The following MACROD2 variants were observed in gnomAD, a reference collection of about 807,000 sequenced individuals.
The protein encoded by MACROD2 is mono-ADP ribosylhydrolase 2.
Under a neutral mutation model 70.4 loss-of-function variants are expected in MACROD2, and 36 were observed. The observed-to-expected ratio is 0.51, with a 90% CI of 0.39 to 0.68. The LOEUF is 0.68. Ranked by LOEUF, MACROD2 falls within the 30% of genes least tolerant of loss-of-function variation. MACROD2 has a pLI of 0.00. For missense variants in MACROD2, 496 were observed against 538.4 expected (o/e 0.92, Z 0.78); for synonymous variants, 172 against 178.8 (o/e 0.96, Z 0.30).
chr20:15,157,508 A>G (rs1254064777), intron 5 of MACROD2, among the ~76,000 whole-genome samples: 1 of 152,142 alleles, frequency 6.6e-6, no homozygotes, highest in East Asian at 1.9e-4. Context: ...TTAACATTGC[A>G]TGGTCCTTTC....
intron 5 of MACROD2, among the ~76,000 whole-genome samples, chr20:14,987,007 T>C (rs1195186202): frequency 6.6e-6 from 1 of 152,080 alleles, no homozygotes; most frequent in African/African-American, 2.4e-5. Flanking sequence ...AAATGAGGAG[T>C]GGCATCCTTA....
chr20:14,271,367 G>T (rs1036590459), intron 3 of MACROD2, among the ~76,000 whole-genome samples: 1 of 152,230 alleles, frequency 6.6e-6, no homozygotes, highest in African/African-American at 2.4e-5. Context: ...CACCGCTGCT[G>T]ATACCCAGAC....
chr20:14,193,006 C>G (rs1007785672), intron 3 of MACROD2, among the ~76,000 whole-genome samples: 1 of 152,210 alleles, frequency 6.6e-6, no homozygotes, highest in African/African-American at 2.4e-5. Flanking sequence ...ATTCTCTCTG[C>G]TTTGCCTTTG....
At chr20:15,876,900 G>A (rs976419565) in intron 9 of MACROD2, among the ~76,000 whole-genome samples, 56 of 152,000 alleles carry the variant, frequency 3.7e-4, no homozygotes, top group African/African-American at 1.3e-3. Context: ...CTGTTGGTCA[G>A]CCACATGTCT....
chr20:15,682,583 G>C (rs2050174427), intron 8 of MACROD2, among the ~76,000 whole-genome samples: 1 of 152,202 alleles, frequency 6.6e-6, no homozygotes, highest in Non-Finnish European at 1.5e-5. Flanking sequence ...TTCAAGTTTA[G>C]TATTTCAAAC....
intron 8 of MACROD2, among the ~76,000 whole-genome samples, chr20:15,821,369 T>TTTTTTTTTTTTTTTGAGACGG (rs1568579947): frequency 6.6e-6 from 1 of 151,886 alleles, no homozygotes; most frequent in African/African-American, 2.4e-5. Context: ...TATTTCTATT[T>TTTTTTTTTTTTTTTGAGACGG]AATATTTATT....
intron 4 of MACROD2, among the ~76,000 whole-genome samples, chr20:14,632,337 T>C (rs1984558791): frequency 6.6e-6 from 1 of 152,200 alleles, no homozygotes; most frequent in African/African-American, 2.4e-5. Flanking sequence ...GAACTTACAA[T>C]ATGAAAACCT....
intron 15 of MACROD2, among the ~76,000 whole-genome samples, chr20:16,012,592 C>T (rs539682795): frequency 6.0e-4 from 92 of 152,290 alleles, no homozygotes; most frequent in African/African-American, 2.1e-3. Context: ...TAATCTGTTG[C>T]TTAGGAAATG....
At chr20:15,101,351 T>C (rs1342859402) in intron 5 of MACROD2, among the ~76,000 whole-genome samples, 1 of 151,984 alleles carries the variant, frequency 6.6e-6, no homozygotes, top group African/African-American at 2.4e-5. Context: ...TTACACAGTT[T>C]AGTTTAGTTC....
chr20:15,062,199 A>T (rs966677293), intron 5 of MACROD2, among the ~76,000 whole-genome samples: 1 of 152,134 alleles, frequency 6.6e-6, no homozygotes, highest in African/African-American at 2.4e-5. Flanking sequence ...GAAAATAGGT[A>T]AACAGCCTCA....
intron 8 of MACROD2, among the ~76,000 whole-genome samples, chr20:15,684,287 G>T (rs1229256776): frequency 6.6e-6 from 1 of 152,150 alleles, no homozygotes; most frequent in East Asian, 1.9e-4. Flanking sequence ...GATCAGCCGG[G>T]TCTAGAGAAA....
intron 8 of MACROD2, among the ~76,000 whole-genome samples, chr20:15,770,086 TTTC>T (rs531518370): frequency 0.024 from 2,107 of 86,726 alleles, 80 homozygotes; most frequent in African/African-American, 0.067. Context: ...TTATTTTAAT[TTTC>T]TTTTTTTTTT....
At chr20:14,076,466 C>G (rs2053917776) in intron 2 of MACROD2, among the ~76,000 whole-genome samples, 1 of 151,548 alleles carries the variant, frequency 6.6e-6, no homozygotes, top group African/African-American at 2.4e-5. Flanking sequence ...GTCTGGGCAA[C>G]ATGGTGAAAC....
At chr20:15,554,160 T>C (rs904839717) in intron 8 of MACROD2, among the ~76,000 whole-genome samples, 23 of 152,138 alleles carry the variant, frequency 1.5e-4, no homozygotes, top group Admixed American at 1.2e-3. Flanking sequence ...TAGTACTTAT[T>C]TGGTATGAGA....
chr20:15,933,105 T>C (rs1333582438), intron 10 of MACROD2, among the ~76,000 whole-genome samples, 171 bp from the exon 11 acceptor site: 3 of 152,200 alleles, frequency 2.0e-5, no homozygotes, highest in Non-Finnish European at 4.4e-5. Context: ...AATGCACTTA[T>C]TTATGTAGGT....
At chr20:14,463,351 T>C (rs969615635) in intron 3 of MACROD2, among the ~76,000 whole-genome samples, 1 of 152,054 alleles carries the variant, frequency 6.6e-6, no homozygotes, top group African/African-American at 2.4e-5. Context: ...GTTATTGGTG[T>C]ATAAGAATGC....
intron 5 of MACROD2, among the ~76,000 whole-genome samples, chr20:14,779,371 T>C (rs535623157): frequency 1.3e-5 from 2 of 152,244 alleles, no homozygotes; most frequent in East Asian, 3.9e-4. Flanking sequence ...GTGACTGTAT[T>C]GACATGTAAT....
chr20:15,007,008 A>T (rs188507973), intron 5 of MACROD2, among the ~76,000 whole-genome samples: 2 of 151,874 alleles, frequency 1.3e-5, no homozygotes, highest in East Asian at 3.9e-4. Flanking sequence ...CAATTGCTTT[A>T]AAAAAAATAC....
intron 5 of MACROD2, among the ~76,000 whole-genome samples, chr20:14,942,927 A>G (rs894234237): frequency 1.3e-5 from 2 of 152,190 alleles, no homozygotes; most frequent in Non-Finnish European, 1.5e-5. Context: ...TTGCCAGGGT[A>G]CATTCCAGTG....
Sources: allele counts gnomAD v4.1 joint callset (sites outside exome capture counted in the v4.1 genomes callset), GRCh38; gene constraint gnomAD v4.1.1; transcripts MANE v1.5; gene names NCBI Gene and HGNC (gene_info 2026-07-23, HGNC 2026-07-21).